Variants in TUT7 observed in about 807,000 individuals in gnomAD.
The protein encoded by TUT7 is terminal uridylyl transferase 7, also known as terminal uridylyltransferase 7.
Under a neutral mutation model 165.9 loss-of-function variants are expected in TUT7, and 33 were observed. The ratio of observed to expected loss-of-function variants is 0.20; its 90% confidence interval spans 0.15 to 0.27. TUT7 has a LOEUF of 0.27. Ranked by LOEUF, TUT7 falls within the 10% of genes least tolerant of loss-of-function variation. The probability of loss-of-function intolerance (pLI) is 1.00; values close to 1 mark genes in which losing one functional copy is unlikely to be tolerated. For missense variants in TUT7, 1,338 were observed against 1,762.3 expected (o/e 0.76, Z 4.31); for synonymous variants, 552 against 608.1 (o/e 0.91, Z 1.36).
At chr9:86,334,722 ACCCAG>A (rs1830620919) in intron 10 of TUT7, among the ~76,000 whole-genome samples, 2 of 151,878 alleles carry the variant, frequency 1.3e-5, no homozygotes, top group Non-Finnish European at 2.9e-5. Context: ...GAGTTTTTAT[ACCCAG>A]GGTTCTTTTT....
intron 22 of TUT7, 27 bp downstream of exon 22, chr9:86,308,402 C>T (rs753610149): frequency 3.1e-5 from 49 of 1,591,414 alleles, no homozygotes; most frequent in African/African-American, 1.8e-4. Flanking sequence ...ATAGTCTATT[C>T]GACTTCAAGT....
chr9:86,319,768 G>A, intron 14 of TUT7, 98 bp from the exon 15 acceptor site: 1 of 798,586 alleles, frequency 1.3e-6, no homozygotes, highest in African/African-American at 1.8e-5. Flanking sequence ...AAACTTACAA[G>A]CTTAAATTTA....
At chr9:86,327,602 GGT>G (rs1463339042) in intron 11 of TUT7, among the ~76,000 whole-genome samples, 1 of 152,208 alleles carries the variant, frequency 6.6e-6, no homozygotes, top group African/African-American at 2.4e-5. Context: ...AAGTGGTTCT[GGT>G]GGCAGCAGAG....
chr9:86,298,668 G>A (rs964452872), intron 26 of TUT7: 9 of 530,236 alleles, frequency 1.7e-5, no homozygotes, highest in Middle Eastern at 9.8e-4. Context: ...TCCAATCCCT[G>A]TTAAAAGCAC....
intron 12 of TUT7, among the ~76,000 whole-genome samples, chr9:86,324,810 T>TGAAA (rs1454222556): frequency 6.6e-6 from 1 of 152,218 alleles, no homozygotes; most frequent in Admixed American, 6.5e-5. Context: ...TAAATGAGGC[T>TGAAA]TCACTAAAAA....
intron 17 of TUT7, among the ~76,000 whole-genome samples, chr9:86,316,913 A>C (rs1293732931): frequency 6.6e-6 from 1 of 152,176 alleles, no homozygotes; most frequent in Non-Finnish European, 1.5e-5. Context: ...TACAACAATA[A>C]AAAAATACAA....
At chr9:86,291,363 G>A (rs960399290) in intron 26 of TUT7, among the ~76,000 whole-genome samples, 4 of 152,036 alleles carry the variant, frequency 2.6e-5, no homozygotes, top group South Asian at 2.1e-4. Context: ...TTGAGGTCAG[G>A]AGTTCAAGGC....
chr9:86,352,418 T>A (rs1321249893), intron 2 of TUT7: 3 of 547,666 alleles, frequency 5.5e-6, no homozygotes, highest in Non-Finnish European at 9.7e-6. Context: ...AAAAAACACG[T>A]TACAGAAAAC....
At chr9:86,339,786 T>C (rs1831173818) in intron 8 of TUT7, among the ~76,000 whole-genome samples, 1 of 152,240 alleles carries the variant, frequency 6.6e-6, no homozygotes, top group South Asian at 2.1e-4. Context: ...GGCTGTTTTT[T>C]AACGAGTTGA....
At chr9:86,354,021 G>C (rs940300260) in intron 1 of TUT7, among the ~76,000 whole-genome samples, 1 of 152,318 alleles carries the variant, frequency 6.6e-6, no homozygotes, top group African/African-American at 2.4e-5. Flanking sequence ...CTGCACTCCT[G>C]GCCAAGAAGC....
intron 10 of TUT7, among the ~76,000 whole-genome samples, chr9:86,330,909 C>G (rs1830256790): frequency 6.7e-6 from 1 of 148,690 alleles, no homozygotes; most frequent in South Asian, 2.1e-4. Flanking sequence ...GGGTCTTGCT[C>G]TGTTTTCTAG....
chr9:86,293,621 T>C lies in TUT7; in HGVS notation c.4421-4877A>G, dbSNP rs12353099. On this transcript the variant is annotated intron_variant, in intron 26 of 26. Coordinates refer to ENST00000375963, the MANE Select transcript of TUT7 (RefSeq NM_024617.4). ...TCTCCGGGATTGTCAACAATCACAA[T>C]TTGGGAATATTGGCATCACTGTCAA... is the stretch of plus-strand genomic sequence containing the variant. 1.6e-3 allele frequency among the ~76,000 whole-genome samples: 251 copies of C among 152,254 alleles called. 2 individuals carry two copies. Among genetic ancestry groups the C allele is most frequent in the African/African-American group, 5.6e-3 (231 of 41,540 alleles).
At chr9:86,312,248 T>A (rs1444301874) in intron 17 of TUT7, among the ~76,000 whole-genome samples, 1 of 148,370 alleles carries the variant, frequency 6.7e-6, no homozygotes, top group Non-Finnish European at 1.5e-5. Flanking sequence ...TCGTCTGAGA[T>A]GTGGGGAGCG....
chr9:86,341,838 T>C (rs909419847), intron 6 of TUT7, among the ~76,000 whole-genome samples: 7 of 152,172 alleles, frequency 4.6e-5, no homozygotes, highest in Admixed American at 3.9e-4. Context: ...CCAGACCTTG[T>C]CATTTTCTAT....
chr9:86,337,178 A>C (rs1283520917), intron 10 of TUT7: 2 of 397,720 alleles, frequency 5.0e-6, no homozygotes, highest in Non-Finnish European at 9.1e-6. Flanking sequence ...ACATATTTCA[A>C]AAATTAAGAG....
At chr9:86,353,618 G>A (rs190150028) in intron 1 of TUT7, among the ~76,000 whole-genome samples, 2 of 152,096 alleles carry the variant, frequency 1.3e-5, no homozygotes, top group Admixed American at 1.3e-4. Flanking sequence ...CTAAACTACC[G>A]AAACAGTCTT....
At position 86,311,525 on chromosome 9, in the gene TUT7, A is replaced by G. The variant is rs1403186689; in HGVS notation, c.3275-716T>C. On this transcript the variant is annotated intron_variant, in intron 17 of 26. Coordinates refer to ENST00000375963, the MANE Select transcript of TUT7 (RefSeq NM_024617.4). This position sits in a 1 kb window ranked among gnomAD's most constrained non-coding sequence, Gnocchi z 4.4. ...TGGTGGAGAAACTGGGAAAGGTCCA[A>G]CTACAGAACATACACATTTTGCTAA... Among the ~76,000 whole-genome samples the G allele has an allele frequency of 1.3e-5, 2 of 152,176 alleles. No individual in the cohort carries two copies. Among genetic ancestry groups the G allele is most frequent in the South Asian group, 2.1e-4 (1 of 4,814 alleles).
chr9:86,323,705 G>A lies in TUT7; in HGVS notation c.2045C>T (p.Ala682Val). 6.2e-7 allele frequency: 1 copy of A among 1,613,828 alleles called. No homozygotes were observed. The highest frequency in any genetic ancestry group is 8.5e-7 in the Non-Finnish European group (1 of 1,179,686). Residue 682 changes from alanine (A) to valine (V), a missense_variant, in exon 13 of 27, where the codon GCT becomes GTT. Physicochemically the swap from Ala to Val is moderately conservative, Grantham distance 64. Around this residue, in one of 7 missense-constraint regions of TUT7, gnomAD observed 425 missense variants for 474.9 expected, o/e 0.89. Coordinates refer to ENST00000375963, the MANE Select transcript of TUT7 (RefSeq NM_024617.4). ...ACAGGTATTTGCAGCTGAACTGGTAGCACCAGGACCTTGGGCCAAAACTGA... is the reference window on the plus strand; with the variant it reads ...ACAGGTATTTGCAGCTGAACTGGTAACACCAGGACCTTGGGCCAAAACTGA... ...KNSVLAQGPG[A>V]TSSAANTCKV...
Position 86,288,769 on chromosome 9 carries a change from C to A in TUT7, c.4421-25G>T, listed in dbSNP as rs778478033. On this transcript the variant is annotated intron_variant, in intron 26 of 26. Coordinates refer to ENST00000375963, the MANE Select transcript of TUT7 (RefSeq NM_024617.4). Reference sequence around the variant, plus strand: ...CCTAGAGGAGGGGAAGAAACAAAACCCAATATAAATGAAACAAGCCTCGCT... The same window carrying A: ...CCTAGAGGAGGGGAAGAAACAAAACACAATATAAATGAAACAAGCCTCGCT... 7.6e-6 allele frequency: 12 copies of A among 1,586,918 alleles called. No individual in the cohort carries two copies. The Admixed American group carries it at 2.0e-4, about 27-fold the overall frequency.
Sources: gnomAD v4.1 joint callset for allele counts (sites outside exome capture counted in the v4.1 genomes callset) on GRCh38, gnomAD v4.1.1 for gene constraint, gnomAD v4.1.1 regional missense constraint, Gnocchi (gnomAD v3.1) non-coding constraint, MANE v1.5 for transcripts, NCBI Gene and HGNC (gene_info 2026-07-23, HGNC 2026-07-21) for gene names.